NLRP5: variants seen among roughly 807,000 people sequenced by gnomAD.
The protein encoded by NLRP5 is NACHT, LRR and PYD domains-containing protein 5.
A neutral mutation model predicts 113.1 loss-of-function variants in NLRP5; 93 were observed. That is an observed-to-expected ratio of 0.82 (90% CI 0.70 to 0.98). The LOEUF (loss-of-function observed/expected upper bound fraction) is 0.98, where lower values mean the gene tolerates loss of function less well. Ranked by LOEUF, NLRP5 falls within the 50% of genes least tolerant of loss-of-function variation. The probability of loss-of-function intolerance (pLI) is 0.00; values close to 1 mark genes in which losing one functional copy is unlikely to be tolerated. For missense variants in NLRP5, 1,808 were observed against 1,514.3 expected (o/e 1.19, Z -3.22); for synonymous variants, 751 against 600.7 (o/e 1.25, Z -3.66).
At chr19:56,043,542 C>CCTTTT (rs1983599289) in intron 11 of NLRP5, among the ~76,000 whole-genome samples, 1 of 92,964 alleles carries the variant, frequency 1.1e-5, no homozygotes, top group African/African-American at 5.3e-5. Flanking sequence ...CTCTGCTATT[C>CCTTTT]TTTTTTTTTT....
At position 56,032,597 on chromosome 19, in the gene NLRP5, C is replaced by T. The variant is rs201220224; in HGVS notation, c.2277-14C>T. The stretch of plus-strand genomic sequence containing the variant: ...CCATCCCATGAGCCCATGTTTCTAT[C>T]CCCCCTGACATAGGATGCGGGATAA... On this transcript the variant is annotated splice_polypyrimidine_tract_variant and intron_variant, in intron 7 of 14. Coordinates refer to ENST00000390649, the MANE Select transcript of NLRP5 (RefSeq NM_153447.4). The T allele has an allele frequency of 1.9e-6, 3 of 1,603,696 alleles. No homozygotes were observed. The highest frequency in any genetic ancestry group is 1.7e-4 in the Middle Eastern group (1 of 5,972).
chr19:56,033,566 T>C lies in NLRP5; in HGVS notation c.2472T>C (p.Pro824=). 1.9e-6 allele frequency: 3 copies of C among 1,613,738 alleles called. No homozygotes were observed. Among genetic ancestry groups the C allele is most frequent in the Non-Finnish European group, 2.5e-6 (3 of 1,179,692 alleles). Residue 824 remains proline, a synonymous_variant, in exon 9 of 15, where the codon CCT becomes CCC. Coordinates refer to ENST00000390649, the MANE Select transcript of NLRP5 (RefSeq NM_153447.4). ...GGTTTAGAAATGCACAGATTACCCCTGGTGTGCAGCACCTCTGGAGAATCG... is the reference window on the plus strand; with the variant it reads ...GGTTTAGAAATGCACAGATTACCCCCGGTGTGCAGCACCTCTGGAGAATCG...
At chr19:55,987,949 C>G in the NLRP5 span, 6 of 1,487,400 alleles carry the variant, frequency 4.0e-6, no homozygotes, top group Admixed American at 1.0e-4. Flanking sequence ...CTTGATTGAT[C>G]AGTTCCCACT....
intron 7 of NLRP5, among the ~76,000 whole-genome samples, chr19:56,031,008 G>T (rs542198043): frequency 6.6e-6 from 1 of 151,648 alleles, no homozygotes; most frequent in Admixed American, 6.6e-5. Context: ...GACTGCGCCC[G>T]GCCTCTATTT....
chr19:56,045,859 T>C (rs189870187), intron 11 of NLRP5, among the ~76,000 whole-genome samples: 109 of 152,304 alleles, frequency 7.2e-4, no homozygotes, highest in African/African-American at 2.6e-3. Flanking sequence ...TGATAGAATG[T>C]TGCAGGTTGG....
At chr19:56,017,868 C>G (rs1233524313) in intron 4 of NLRP5, among the ~76,000 whole-genome samples, 1 of 152,200 alleles carries the variant, frequency 6.6e-6, no homozygotes, top group African/African-American at 2.4e-5. Flanking sequence ...GGATGGAGTG[C>G]GGTCGCGCAA....
At chr19:56,012,500 A>T (rs546486596) in intron 3 of NLRP5, among the ~76,000 whole-genome samples, 2 of 147,950 alleles carry the variant, frequency 1.4e-5, no homozygotes, top group South Asian at 4.2e-4. Flanking sequence ...ATATCGTAAA[A>T]TCTTGAGAAT....
intron 11 of NLRP5, among the ~76,000 whole-genome samples, chr19:56,042,240 A>G (rs1983548654): frequency 1.3e-5 from 2 of 152,150 alleles, no homozygotes; most frequent in African/African-American, 4.8e-5. Context: ...AATTGTGTTG[A>G]TTACTACTGC....
chr19:56,049,441 A>C (rs887326126), intron 11 of NLRP5, among the ~76,000 whole-genome samples: 5 of 152,130 alleles, frequency 3.3e-5, no homozygotes, highest in Non-Finnish European at 7.3e-5. Flanking sequence ...TCAGCCACCC[A>C]AAGTGCTGAG....
chr19:56,032,501 C>CCA, intron 7 of NLRP5, 110 bp from the exon 8 acceptor site: 1 of 932,668 alleles, frequency 1.1e-6, no homozygotes, highest in Non-Finnish European at 1.6e-6. Context: ...GCCTCTAAAG[C>CCA]CACCGTGGTC....
intron 11 of NLRP5, among the ~76,000 whole-genome samples, chr19:56,047,088 A>T (rs1466158438): frequency 2.0e-5 from 3 of 152,008 alleles, no homozygotes; most frequent in African/African-American, 7.3e-5. Context: ...TGTCAGTTGT[A>T]GTATCTCCTG....
chr19:55,989,548 C>T, the NLRP5 span, among the ~76,000 whole-genome samples: 216 of 152,290 alleles, frequency 1.4e-3, 1 homozygote, highest in African/African-American at 4.9e-3. Flanking sequence ...CCACTGCGCC[C>T]GGCCTTTTTC....
In NLRP5 at chr19:56,032,638, G is replaced by C; in HGVS notation, c.2304G>C (p.Glu768Asp). ...TGCGGGATAAGACCCTCATTGAGGA[G>C]CAGTGGGAAGATTTCTGCTCCATGC... Residue 768 changes from glutamate (E) to aspartate (D), a missense_variant, in exon 8 of 15, where the codon GAG becomes GAC. Glu to Asp is a conservative substitution (Grantham distance 45). Transcript: ENST00000390649. The C allele has an allele frequency of 6.2e-7, 1 of 1,613,762 alleles. No individual in the cohort carries two copies. Among genetic ancestry groups the C allele is most frequent in the Middle Eastern group, 1.7e-4 (1 of 6,038 alleles).
intron 11 of NLRP5, among the ~76,000 whole-genome samples, chr19:56,045,851 A>G (rs932366057): frequency 6.6e-6 from 1 of 152,312 alleles, no homozygotes; most frequent in Non-Finnish European, 1.5e-5. Context: ...TGTTACAATG[A>G]TAGAATGTTG....
rs558106722 is a variant in NLRP5, at chr19:56,006,737, T to C, written c.443-2051T>C. On this transcript the variant is annotated intron_variant, in intron 2 of 14. Transcript: ENST00000390649. ...ACAGAGCGAGACTCCGTATTTAAAATAAAAATTTTTTTTTGTTTTTGAGAC... is the reference window on the plus strand; with the variant it reads ...ACAGAGCGAGACTCCGTATTTAAAACAAAAATTTTTTTTTGTTTTTGAGAC... 2.6e-5 allele frequency among the ~76,000 whole-genome samples: 4 copies of C among 151,036 alleles called. 1 individual carries two copies. In the South Asian group the frequency reaches 8.4e-4, roughly 32 times the overall value.
chr19:56,007,900 C>CGTGTGT (rs1417229600), intron 2 of NLRP5, among the ~76,000 whole-genome samples: 2 of 79,424 alleles, frequency 2.5e-5, no homozygotes, highest in South Asian at 4.1e-4. Flanking sequence ...CGCGTGCGCG[C>CGTGTGT]GTGCGTGTGT....
intron 6 of NLRP5, among the ~76,000 whole-genome samples, chr19:56,026,185 C>G (rs373658429): frequency 7.0e-4 from 106 of 152,096 alleles, no homozygotes; most frequent in African/African-American, 2.4e-3. Flanking sequence ...GACTCAGGCC[C>G]CACTGATGCT....
At chr19:56,019,224 C>T in intron 4 of NLRP5, 118 bp from the exon 5 acceptor site, 4 of 1,141,922 alleles carry the variant, frequency 3.5e-6, no homozygotes, top group Non-Finnish European at 5.1e-6. Flanking sequence ...CAGTGGTTGC[C>T]ATGTTTTCAA....
In NLRP5 at chr19:56,015,744, AT is replaced by A; in HGVS notation, c.514del (p.Ser172HisfsTer68). ...TTCTTCTCCCTTCTCTTTTGCAGGA[AT>A]TTCACAAGCTGTGCAACAAGATAGT... On this transcript the variant is annotated frameshift_variant, in exon 4 of 15. Coordinates refer to ENST00000390649, the MANE Select transcript of NLRP5 (RefSeq NM_153447.4). LOFTEE classifies it high-confidence loss of function. The A allele has an allele frequency of 6.4e-7, 1 of 1,567,484 alleles. No individual in the cohort carries two copies. Among genetic ancestry groups the A allele is most frequent in the East Asian group, 2.3e-5 (1 of 43,230 alleles).
Sources: gnomAD v4.1 joint callset for allele counts (sites outside exome capture counted in the v4.1 genomes callset) on GRCh38, gnomAD v4.1.1 for gene constraint, MANE v1.5 for transcripts, NCBI Gene and HGNC (gene_info 2026-07-23, HGNC 2026-07-21) for gene names.